The following SYNE1 variants were observed in gnomAD, a reference collection of about 807,000 sequenced individuals.
SYNE1 encodes the protein nesprin-1.
In SYNE1, 616 loss-of-function variants were observed where a neutral mutation model predicts 1,111.0. That is an observed-to-expected ratio of 0.55 (90% CI 0.52 to 0.59). The LOEUF (loss-of-function observed/expected upper bound fraction) is 0.59, where lower values mean the gene tolerates loss of function less well. SYNE1 is among the 20% of genes least tolerant of loss of function. SYNE1 has a pLI of 0.00. For synonymous variants in SYNE1, 3,855 were observed against 3,825.8 expected, an observed-to-expected ratio of 1.01 and a Z score of -0.28; for missense variants, 10,006 against 10,417.0, an observed-to-expected ratio of 0.96 and a Z score of 1.72.
At chr6:152,362,409 G>C (rs2096948953) in intron 63 of SYNE1, 86 bp from the exon 64 acceptor site, 1 of 1,561,982 alleles carries the variant, frequency 6.4e-7, no homozygotes, top group Non-Finnish European at 8.8e-7. Context: ...ATCCACTCCA[G>C]TAAGCAAGGG....
chr6:152,446,573 T>C lies in SYNE1; in HGVS notation c.3669+885A>G, dbSNP rs187700052. On this transcript the variant is annotated intron_variant, in intron 29 of 145. Transcript: ENST00000367255. ...AGAAATCTCTGTGGAGAATTTCAGA[T>C]TTTCAGAAACAGAGCTTTGTGGTCA... 7.2e-5 allele frequency among the ~76,000 whole-genome samples: 11 copies of C among 152,304 alleles called. No individual in the cohort carries two copies. In the East Asian group the frequency reaches 1.9e-3, roughly 27 times the overall value.
In SYNE1 at chr6:152,213,593, A is replaced by T. The variant is rs775694323; in HGVS notation, c.22494+19T>A. On this transcript the variant is annotated intron_variant, in intron 123 of 145. Coordinates refer to ENST00000367255, the MANE Select transcript of SYNE1 (RefSeq NM_182961.4). ...CCTAAAAATTTCTTATTACCCCCAA[A>T]TCTACTGATACAACTTACCTCGTGT... is the stretch of plus-strand genomic sequence containing the variant. 3.7e-6 allele frequency: 6 copies of T among 1,613,942 alleles called. No individual in the cohort carries two copies. Among genetic ancestry groups the T allele is most frequent in the Non-Finnish European group, 5.1e-6 (6 of 1,179,900 alleles).
chr6:152,607,007 C>T (rs529118805), intron 3 of SYNE1, among the ~76,000 whole-genome samples: 2 of 95,546 alleles, frequency 2.1e-5, no homozygotes, highest in Non-Finnish European at 3.8e-5. Flanking sequence ...TTTTTTGAGA[C>T]GGCGTCTTGC....
chr6:152,536,169 G>A (rs1022582552), intron 4 of SYNE1, among the ~76,000 whole-genome samples: 19 of 150,618 alleles, frequency 1.3e-4, no homozygotes, highest in Non-Finnish European at 2.5e-4. Context: ...CTGCCTCCTC[G>A]GGCGCCTTGT....
intron 3 of SYNE1, among the ~76,000 whole-genome samples, chr6:152,590,641 C>T (rs1330318384): frequency 6.6e-6 from 1 of 152,016 alleles, no homozygotes; most frequent in Non-Finnish European, 1.5e-5. Flanking sequence ...ACTTGTCTGT[C>T]ACTGATCACT....
At chr6:152,619,286 C>CCTCTTACAGAGGT (rs2099669763) in intron 3 of SYNE1, among the ~76,000 whole-genome samples, 1 of 152,136 alleles carries the variant, frequency 6.6e-6, no homozygotes, top group Admixed American at 6.5e-5. Flanking sequence ...GGTCTTCACT[C>CCTCTTACAGAGGT]CTCTTACAGA....
intron 27 of SYNE1, among the ~76,000 whole-genome samples, 192 bp downstream of exon 27, chr6:152,450,433 T>G (rs936378085): frequency 9.2e-5 from 14 of 152,236 alleles, no homozygotes; most frequent in African/African-American, 2.9e-4. Flanking sequence ...AGAGATAACA[T>G]CTGGGTCACT....
At position 152,387,175 on chromosome 6, in the gene SYNE1, G is replaced by A. The variant is rs214950; in HGVS notation, c.8384C>T (p.Ala2795Val). 363,167 of 1,613,860 alleles carry A rather than the reference G, an allele frequency of 0.23. 43,125 individuals are homozygous for A. The highest frequency in any genetic ancestry group is 0.43 in the East Asian group (19,062 of 44,850). Residue 2795 changes from alanine to valine, a missense_variant, in exon 54 of 146, where the codon GCG becomes GTG. Transcript: ENST00000367255. ...CTTTTCGTAGAGCTCCCTGGACTTC[G>A]CAATTAGACGGTGAAGGGCTCTCGT... ...DHTRALHRLIAKSRELYEKTE... is the reference protein window; with the variant it reads ...DHTRALHRLIVKSRELYEKTE...
intron 95 of SYNE1, among the ~76,000 whole-genome samples, chr6:152,286,059 T>TGTAAGA (rs2094309770): frequency 6.6e-6 from 1 of 152,234 alleles, no homozygotes; most frequent in African/African-American, 2.4e-5. Context: ...GTAAGTGCAG[T>TGTAAGA]GCCTCCTCAG....
chr6:152,564,142 A>C (rs2099403681), intron 3 of SYNE1, among the ~76,000 whole-genome samples: 1 of 152,222 alleles, frequency 6.6e-6, no homozygotes, highest in South Asian at 2.1e-4. Flanking sequence ...CAGATGTGTG[A>C]GACTCTCCAG....
intron 3 of SYNE1, among the ~76,000 whole-genome samples, chr6:152,579,190 A>C (rs144186190): frequency 2.5e-3 from 381 of 152,322 alleles, no homozygotes; most frequent in African/African-American, 8.4e-3. Context: ...TAGAGGTAGA[A>C]ATTTTTTTCC....
chr6:152,430,551 T>A lies in SYNE1; in HGVS notation c.4620A>T (p.Ala1540=). Residue 1540 remains alanine, a synonymous_variant, in exon 35 of 146, where the codon GCA becomes GCT. Coordinates refer to ENST00000367255, the MANE Select transcript of SYNE1 (RefSeq NM_182961.4). The stretch of plus-strand genomic sequence containing the variant: ...CCAGGATTGTTCCTTCCAGACACTG[T>A]GCATGCTCTCGAAGCTCTTCCCCGT... ...RRYGEELREH[A]QCLEGTILGH... is the part of the protein sequence containing the mutation. The A allele has an allele frequency of 6.2e-7, 1 of 1,614,158 alleles. No individual in the cohort carries two copies. The highest frequency in any genetic ancestry group is 1.1e-5 in the South Asian group (1 of 91,082).
chr6:152,356,560 C>CTA (rs2096842732), intron 66 of SYNE1, among the ~76,000 whole-genome samples: 1 of 147,660 alleles, frequency 6.8e-6, no homozygotes, highest in Non-Finnish European at 1.5e-5. Context: ...AATATATAAA[C>CTA]TATATATATG....
intron 69 of SYNE1, among the ~76,000 whole-genome samples, 182 bp downstream of exon 69, chr6:152,353,081 A>G (rs2096770213): frequency 6.6e-6 from 1 of 152,204 alleles, no homozygotes. Context: ...CACATCATCA[A>G]TAAGTGAAAG....
chr6:152,275,986 C>G (rs1480978362), intron 98 of SYNE1, among the ~76,000 whole-genome samples: 1 of 148,884 alleles, frequency 6.7e-6, no homozygotes, highest in East Asian at 2.0e-4. Flanking sequence ...CATTATTCCT[C>G]TAACTTGTTT....
intron 12 of SYNE1, among the ~76,000 whole-genome samples, chr6:152,486,492 A>T (rs2098941227): frequency 6.6e-6 from 1 of 152,224 alleles, no homozygotes; most frequent in African/African-American, 2.4e-5. Context: ...TGTTTCCCTC[A>T]TGAACTAGCA....
chr6:152,353,040 G>C (rs1420087000), intron 69 of SYNE1, among the ~76,000 whole-genome samples: 1 of 152,108 alleles, frequency 6.6e-6, no homozygotes, highest in Non-Finnish European at 1.5e-5. Flanking sequence ...GACTTTCATG[G>C]GTGTCCATGT....
intron 3 of SYNE1, among the ~76,000 whole-genome samples, chr6:152,611,913 A>C (rs2099632431): frequency 6.6e-6 from 1 of 152,030 alleles, no homozygotes; most frequent in Admixed American, 6.6e-5. Flanking sequence ...TAAATAACAA[A>C]ATGAAGGCAG....
At chr6:152,292,845 G>C (rs2094674515) in intron 95 of SYNE1, among the ~76,000 whole-genome samples, 1 of 152,218 alleles carries the variant, frequency 6.6e-6, no homozygotes, top group Admixed American at 6.5e-5. Context: ...ACCTCACGGT[G>C]ATGAATATGT....
Sources: allele counts gnomAD v4.1 joint callset (sites outside exome capture counted in the v4.1 genomes callset), GRCh38; gene constraint gnomAD v4.1.1; transcripts MANE v1.5; gene names NCBI Gene and HGNC (gene_info 2026-07-23, HGNC 2026-07-21).